The following SETX variants were observed in gnomAD, a reference collection of about 807,000 sequenced individuals.
SETX encodes the protein helicase senataxin.
SETX carries 90 observed loss-of-function variants against 227.2 expected under a neutral mutation model. That is an observed-to-expected ratio of 0.40 (90% CI 0.33 to 0.47). The LOEUF (loss-of-function observed/expected upper bound fraction) is 0.47, where lower values mean the gene tolerates loss of function less well. Among genes scored for constraint, SETX ranks in the 20% least tolerant of loss-of-function variants. The pLI is 0.91. For synonymous variants in SETX, 1,210 were observed against 1,113.2 expected (o/e 1.09, Z -1.73); for missense variants, 3,052 against 3,181.5 (o/e 0.96, Z 0.98).
intron 11 of SETX, among the ~76,000 whole-genome samples, chr9:132,310,308 T>G (rs1845577420): frequency 6.6e-6 from 1 of 152,254 alleles, no homozygotes; most frequent in African/African-American, 2.4e-5. Context: ...CATATACTGC[T>G]GGTGGAATAT....
chr9:132,326,781 C>A lies in SETX; in HGVS notation c.4817G>T (p.Arg1606Leu). ...CAAAGATTTAGAAAGACCAGCAATT[C>A]GTGAAGTACTCTTTGAGCTAAAAAT... is the stretch of plus-strand genomic sequence containing the variant. ...TKIFSSKSTS[R>L]IAGLSKSLET... is the part of the protein sequence containing the mutation. The change falls in exon 10 of 26, where the codon CGA becomes CTA. Residue 1606 changes from arginine (R) to leucine (L), a missense_variant. Physicochemically the swap from Arg to Leu is moderately radical, Grantham distance 102. Coordinates refer to ENST00000224140, the MANE Select transcript of SETX (RefSeq NM_015046.7). The A allele has an allele frequency of 6.2e-7, 1 of 1,614,130 alleles. No homozygotes were observed. Among genetic ancestry groups the A allele is most frequent in the Non-Finnish European group, 8.5e-7 (1 of 1,180,036 alleles).
chr9:132,282,286 T>C (rs1431992769), intron 19 of SETX, among the ~76,000 whole-genome samples: 1 of 149,910 alleles, frequency 6.7e-6, no homozygotes, highest in Non-Finnish European at 1.5e-5. Flanking sequence ...ATTTTTTATT[T>C]ATTTTTTAAC....
At chr9:132,349,534 TA>T (rs1216262620) in intron 2 of SETX, 99 bp from the exon 3 acceptor site, 1 of 1,281,698 alleles carries the variant, frequency 7.8e-7, no homozygotes, top group Non-Finnish European at 1.1e-6. Context: ...GGTTTCAATT[TA>T]AAATGTGTCA....
intron 5 of SETX, among the ~76,000 whole-genome samples, chr9:132,340,585 G>C (rs1251513846): frequency 6.6e-6 from 1 of 152,194 alleles, no homozygotes; most frequent in Admixed American, 6.5e-5. Context: ...TTCTAAGTCA[G>C]GTCGTCACCC....
intron 19 of SETX, chr9:132,282,894 A>T: frequency 3.1e-6 from 1 of 325,918 alleles, no homozygotes; most frequent in Non-Finnish European, 6.0e-6. Context: ...TGTTTGCTCA[A>T]AGAGTGAACT....
At position 132,298,193 on chromosome 9, in the gene SETX, A is replaced by G. The variant is rs758849493; in HGVS notation, c.5668T>C (p.Leu1890=). ...ISSLVTTQRK[L]KAMSLLGSRN... is the part of the protein sequence containing the mutation. ...CTACCCAACAGAGACATGGCTTTCA[A>G]CTTCCTTTGTGTAGTTACCAGAGAA... Residue 1890 remains leucine (L), a synonymous_variant, in exon 13 of 26, where the codon TTG becomes CTG. Coordinates refer to ENST00000224140, the MANE Select transcript of SETX (RefSeq NM_015046.7). 1 of 1,614,118 alleles carries G rather than the reference A, an allele frequency of 6.2e-7. No individual in the cohort carries two copies. The highest frequency in any genetic ancestry group is 1.1e-5 in the South Asian group (1 of 91,080).
At chr9:132,285,912 G>A (rs190998263) in intron 18 of SETX, among the ~76,000 whole-genome samples, 1 of 149,636 alleles carries the variant, frequency 6.7e-6, no homozygotes, top group Admixed American at 6.7e-5. Context: ...GCCAGGTGTG[G>A]TGCCTCACGC....
chr9:132,282,248 T>G lies in SETX; in HGVS notation c.6547-674A>C, dbSNP rs1194731660. Among the ~76,000 whole-genome samples the G allele has an allele frequency of 2.0e-5, 3 of 151,740 alleles. No individual in the cohort carries two copies. In the East Asian group the frequency reaches 5.8e-4, roughly 29 times the overall value. ...CATGAGCCTGAAAAATTTTTCTCCTTTAAAGTCCTTTTAAAACTTTATTTT... is the reference window on the plus strand; with the variant it reads ...CATGAGCCTGAAAAATTTTTCTCCTGTAAAGTCCTTTTAAAACTTTATTTT... On this transcript the variant is annotated intron_variant, in intron 19 of 25. Transcript: ENST00000224140.
In SETX at chr9:132,328,032, T is replaced by C; in HGVS notation, c.3566A>G (p.Asn1189Ser). The C allele has an allele frequency of 6.2e-7, 1 of 1,614,116 alleles. No homozygotes were observed. The highest frequency in any genetic ancestry group is 8.5e-7 in the Non-Finnish European group (1 of 1,180,012). ...SVRNEGQSDTNKRDLVGNDFK... is the reference protein window; with the variant it reads ...SVRNEGQSDTSKRDLVGNDFK... ...ATCATTTCCCACAAGATCTCTCTTA[T>C]TAGTATCAGACTGGCCCTCATTTCT... Residue 1189 changes from asparagine (N) to serine (S), a missense_variant, in exon 10 of 26, where the codon AAT (asparagine) becomes AGT (serine). Physicochemically the swap from Asn to Ser is conservative, Grantham distance 46 (BLOSUM62 1). Transcript: ENST00000224140.
At chr9:132,314,778 T>C (rs1245935676) in intron 10 of SETX, among the ~76,000 whole-genome samples, 1 of 152,038 alleles carries the variant, frequency 6.6e-6, no homozygotes, top group African/African-American at 2.4e-5. Flanking sequence ...GAATATTATG[T>C]TTTGATAAAA....
intron 2 of SETX, among the ~76,000 whole-genome samples, chr9:132,353,164 G>A (rs976627949): frequency 6.6e-6 from 1 of 152,184 alleles, no homozygotes. Flanking sequence ...TCAAATTGCT[G>A]AGCTCAACAC....
At chr9:132,283,242 G>A (rs1205695925) in intron 19 of SETX, 22 bp downstream of exon 19, 15 of 1,613,378 alleles carry the variant, frequency 9.3e-6, no homozygotes, top group Non-Finnish European at 1.2e-5. Context: ...AGTCAAAGTT[G>A]TATGGCTGAC....
intron 11 of SETX, 50 bp from the exon 12 acceptor site, chr9:132,300,853 T>C: frequency 6.8e-7 from 1 of 1,480,858 alleles, no homozygotes; most frequent in Non-Finnish European, 9.1e-7. Context: ...TAGAATTATT[T>C]TAAATAAGAT....
In SETX at chr9:132,298,245, G is replaced by A. The variant is rs201472554; in HGVS notation, c.5616C>T (p.Asn1872=). Residue 1872 remains asparagine (N), a synonymous_variant, in exon 13 of 26, where the codon AAC becomes AAT. Coordinates refer to ENST00000224140, the MANE Select transcript of SETX (RefSeq NM_015046.7). ...QTQENFPANL[N]ELVNCIVISS... ...TGATTACAATACAATTCACAAGTTC[G>A]TTTAAATTGGCCGGAAAGTTCTCTT... 127 of 1,613,886 alleles carry A rather than the reference G, an allele frequency of 7.9e-5. No homozygotes were observed. The highest frequency in any genetic ancestry group is 1.0e-4 in the Non-Finnish European group (119 of 1,179,980).
At chr9:132,334,455 C>G (rs1403365777) in intron 7 of SETX, among the ~76,000 whole-genome samples, 153 bp downstream of exon 7, 2 of 152,092 alleles carry the variant, frequency 1.3e-5, no homozygotes, top group African/African-American at 4.8e-5. Context: ...TATCAAAAAA[C>G]AAAACAAAAC....
intron 11 of SETX, among the ~76,000 whole-genome samples, chr9:132,302,430 C>A (rs1013044654): frequency 1.0e-4 from 15 of 147,856 alleles, no homozygotes; most frequent in African/African-American, 3.8e-4. Context: ...GAGGCCGAGA[C>A]GGGCGGATCA....
In SETX at chr9:132,303,366, C is replaced by T. The variant is rs1845134744; in HGVS notation, c.5375-2563G>A. Reference sequence around the variant, plus strand: ...AAAAAAAAAAAAAAAACCCTTAATCCTTACATATGTCATATATAAAAATAA... The same window carrying T: ...AAAAAAAAAAAAAAAACCCTTAATCTTTACATATGTCATATATAAAAATAA... On this transcript the variant is annotated intron_variant, in intron 11 of 25. Transcript: ENST00000224140. Among the ~76,000 whole-genome samples the T allele has an allele frequency of 2.7e-5, 4 of 149,018 alleles. No homozygotes were observed. In the South Asian group the frequency reaches 6.4e-4, roughly 24 times the overall value.
chr9:132,280,943 G>A lies in SETX; in HGVS notation c.6654+524C>T, dbSNP rs62576468. Among the ~76,000 whole-genome samples, 1,182 of 152,232 alleles carry A rather than the reference G, an allele frequency of 7.8e-3. 5 individuals are homozygous for A. The highest frequency in any genetic ancestry group is 0.013 in the Non-Finnish European group (868 of 68,008). ...CCCTGTACCTTCACTTTCAGATGAT[G>A]TGAAGGGCACAGACATGTTCTTGTA... On this transcript the variant is annotated intron_variant, in intron 20 of 25. Transcript: ENST00000224140.
intron 5 of SETX, among the ~76,000 whole-genome samples, chr9:132,339,740 G>A (rs1403237972): frequency 6.6e-6 from 1 of 152,070 alleles, no homozygotes; most frequent in East Asian, 1.9e-4. Context: ...AGCCTCCCAG[G>A]TAGCTGGGAC....
Sources: gnomAD v4.1 joint callset for allele counts (sites outside exome capture counted in the v4.1 genomes callset) on GRCh38, gnomAD v4.1.1 for gene constraint, MANE v1.5 for transcripts, NCBI Gene and HGNC (gene_info 2026-07-23, HGNC 2026-07-21) for gene names.